Variants in CC2D2A observed in about 807,000 individuals in gnomAD.
CC2D2A encodes coiled-coil and C2 domain containing 2A.
CC2D2A carries 155 observed loss-of-function variants against 212.9 expected under a neutral mutation model. The observed-to-expected ratio is 0.73, with a 90% confidence interval of 0.64 to 0.83. The LOEUF (loss-of-function observed/expected upper bound fraction) is 0.83, where lower values mean the gene tolerates loss of function less well. CC2D2A is among the 40% of genes least tolerant of loss of function. The pLI, the probability that CC2D2A is intolerant of heterozygous loss-of-function variation, is 0.00. For synonymous variants in CC2D2A, 667 were observed against 686.5 expected, an observed-to-expected ratio of 0.97 and a Z score of 0.44; for missense variants, 1,856 against 1,956.2, an observed-to-expected ratio of 0.95 and a Z score of 0.97.
rs952983586 is a variant in CC2D2A at position 15,511,316 on chromosome 4, G to A, written c.610G>A (p.Glu204Lys). Reference protein sequence around the residue: ...FFTFNFDPEPEGSEEKPKARH... With the variant: ...FFTFNFDPEPKGSEEKPKARH... ...TACTTTCAACTTTGATCCCGAACCA[G>A]AAGGATCAGAGGAAAAACCAAAAGC... Residue 204 changes from glutamate (E) to lysine (K), a missense_variant, in exon 8 of 37, where the codon GAA becomes AAA. Around this residue, in one of 5 missense-constraint regions of CC2D2A, gnomAD observed 1,512 missense variants for 1,579.3 expected, o/e 0.96. Transcript: ENST00000424120. 1 of 1,601,842 alleles carries A rather than the reference G, an allele frequency of 6.2e-7. No individual in the cohort carries two copies. Among genetic ancestry groups the A allele is most frequent in the Non-Finnish European group, 8.5e-7 (1 of 1,175,394 alleles).
intron 4 of CC2D2A, among the ~76,000 whole-genome samples, chr4:15,491,285 TAC>T (rs2108986745): frequency 6.6e-6 from 1 of 152,336 alleles, no homozygotes; most frequent in African/African-American, 2.4e-5. Context: ...TTATACCCTT[TAC>T]AGTCGATGTA....
At chr4:15,598,067 G>C (rs1721398088) in intron 35 of CC2D2A, among the ~76,000 whole-genome samples, 1 of 152,042 alleles carries the variant, frequency 6.6e-6, no homozygotes, top group Non-Finnish European at 1.5e-5. Context: ...GAAAATATCG[G>C]TTTACACTCA....
Position 15,567,360 on chromosome 4 carries a change from T to C in CC2D2A, c.3183-17T>C, listed in dbSNP as rs961448334. On this transcript the variant is annotated splice_polypyrimidine_tract_variant and intron_variant, in intron 24 of 36. Transcript: ENST00000424120. ...CTTCCTCTATCATTAATTTCCTTCA[T>C]ACATTTTCTCTCCTAGCAAATTCCA... The C allele has an allele frequency of 7.0e-6, 11 of 1,572,780 alleles. No homozygotes were observed. In the Admixed American group the frequency reaches 8.4e-5, roughly 12 times the overall value.
At chr4:15,483,036 T>A (rs1714786993) in intron 4 of CC2D2A, among the ~76,000 whole-genome samples, 1 of 152,194 alleles carries the variant, frequency 6.6e-6, no homozygotes, top group Non-Finnish European at 1.5e-5. Flanking sequence ...TTGGCAGCAC[T>A]GATAAACCAA....
At chr4:15,591,313 G>C (rs200660723) in intron 33 of CC2D2A, among the ~76,000 whole-genome samples, 1 of 150,772 alleles carries the variant, frequency 6.6e-6, no homozygotes, top group African/African-American at 2.4e-5. Context: ...TCCGTCTCTC[G>C]GGTTCAAGCA....
Sources: allele counts gnomAD v4.1 joint callset (sites outside exome capture counted in the v4.1 genomes callset), GRCh38; gene constraint gnomAD v4.1.1; regional missense constraint gnomAD v4.1.1; transcripts MANE v1.5; gene names NCBI Gene and HGNC (gene_info 2026-07-23, HGNC 2026-07-21).